Variants in CEP63 observed in about 807,000 individuals in gnomAD.
The protein encoded by CEP63 is centrosomal protein of 63 kDa.
CEP63 carries 84 observed loss-of-function variants against 89.1 expected under a neutral mutation model. The ratio of observed to expected loss-of-function variants is 0.94; its 90% CI spans 0.79 to 1.13. The LOEUF (loss-of-function observed/expected upper bound fraction) is 1.13, where lower values mean the gene tolerates loss of function less well. Among genes scored for constraint, CEP63 ranks in the 50% most tolerant of loss-of-function variants. The pLI, the probability that CEP63 is intolerant of heterozygous loss-of-function variation, is 0.00. For synonymous variants in CEP63, 267 were observed against 272.5 expected (o/e 0.98, Z 0.20); for missense variants, 838 against 813.3 (o/e 1.03, Z -0.37).
At chr3:134,745,467 T>A in the CEP63 span, among the ~76,000 whole-genome samples, 2 of 152,230 alleles carry the variant, frequency 1.3e-5, no homozygotes, top group Non-Finnish European at 2.9e-5. Flanking sequence ...ATGGGAAAGA[T>A]ACTTTTACTC....
chr3:134,629,630 A>G, the CEP63 span: 57 of 1,600,052 alleles, frequency 3.6e-5, no homozygotes, highest in Admixed American at 5.2e-5. Flanking sequence ...CGTTTAGCCA[A>G]GGAGAACTTC....
chr3:134,754,711 T>C, the CEP63 span, among the ~76,000 whole-genome samples: 1 of 152,126 alleles, frequency 6.6e-6, no homozygotes, highest in Non-Finnish European at 1.5e-5. Context: ...CAAAGTGAGA[T>C]TTCTTTTAAG....
the CEP63 span, among the ~76,000 whole-genome samples, chr3:134,740,593 C>G: frequency 2.0e-5 from 3 of 152,090 alleles, no homozygotes; most frequent in Non-Finnish European, 4.4e-5. Flanking sequence ...CACCGTGCCC[C>G]GCCTCTTTCT....
chr3:134,556,619 G>C (rs994584864), intron 12 of CEP63, among the ~76,000 whole-genome samples: 1 of 152,148 alleles, frequency 6.6e-6, no homozygotes, highest in Non-Finnish European at 1.5e-5. Context: ...CTTATCTTAT[G>C]CAGTGATTAT....
chr3:134,706,246 T>C, the CEP63 span, among the ~76,000 whole-genome samples: 1 of 152,174 alleles, frequency 6.6e-6, no homozygotes, highest in Non-Finnish European at 1.5e-5. Context: ...TTCTCAGGAA[T>C]TGAGGGTGTG....
chr3:134,569,678 G>A (rs186537814), downstream of CEP63, among the ~76,000 whole-genome samples: 264 of 152,218 alleles, frequency 1.7e-3, 3 homozygotes, highest in African/African-American at 5.7e-3. Flanking sequence ...GCAAGCTGTC[G>A]GTGGATCTAC....
intron 6 of CEP63, among the ~76,000 whole-genome samples, chr3:134,543,658 A>G (rs1486560044): frequency 6.6e-6 from 1 of 152,190 alleles, no homozygotes; most frequent in Admixed American, 6.5e-5. Context: ...GCAATTATGT[A>G]TTATCTGAGT....
the CEP63 span, among the ~76,000 whole-genome samples, chr3:134,755,063 A>G: frequency 6.4e-4 from 98 of 152,310 alleles, no homozygotes; most frequent in Non-Finnish European, 1.2e-3. Context: ...TAGCAGTGCT[A>G]AAGCCACAGG....
chr3:134,529,952 C>T (rs1949527798), intron 3 of CEP63, among the ~76,000 whole-genome samples: 2 of 146,104 alleles, frequency 1.4e-5, no homozygotes, highest in South Asian at 4.3e-4. Flanking sequence ...GGGCTCACTG[C>T]AAGCTCCGTC....
Position 134,545,670 on chromosome 3 carries a change from G to C in CEP63, c.640G>C (p.Glu214Gln). ...SEIQHLSSKL[E>Q]RANDTICANE... ...AATTCAACACTTAAGCAGTAAACTG[G>C]AGCGGGCTAATGACACTATCTGTGC... Residue 214 changes from glutamate (E) to glutamine (Q), a missense_variant, in exon 7 of 15, where the codon GAG (glutamate) becomes CAG (glutamine). By Grantham distance (29) the Glu-to-Gln change is conservative. Transcript: ENST00000675561. 6.2e-7 allele frequency: 1 copy of C among 1,614,140 alleles called. No homozygotes were observed. Among genetic ancestry groups the C allele is most frequent in the Non-Finnish European group, 8.5e-7 (1 of 1,180,008 alleles).
chr3:134,528,569 CGTGTGTGTGTGTGT>C (rs34415967), intron 3 of CEP63, among the ~76,000 whole-genome samples: 1 of 147,024 alleles, frequency 6.8e-6, no homozygotes, highest in Non-Finnish European at 1.5e-5. Context: ...TGTGTGTGTG[CGTGTGTGTGTGTGT>C]GTGTGTGTGT....
At chr3:134,637,630 A>G in the CEP63 span, among the ~76,000 whole-genome samples, 3 of 152,196 alleles carry the variant, frequency 2.0e-5, no homozygotes, top group Non-Finnish European at 4.4e-5. Context: ...CTCTTCCCCA[A>G]ACTTCTCATA....
chr3:134,776,186 G>A, the CEP63 span, among the ~76,000 whole-genome samples: 963 of 152,286 alleles, frequency 6.3e-3, 5 homozygotes, highest in Non-Finnish European at 0.01. Flanking sequence ...CCAGTCCCTG[G>A]CCCCAGAGAG....
At chr3:134,631,476 C>T in the CEP63 span, among the ~76,000 whole-genome samples, 1 of 152,114 alleles carries the variant, frequency 6.6e-6, no homozygotes, top group African/African-American at 2.4e-5. Flanking sequence ...ATATATTAGT[C>T]TGCCCTCCTC....
intron 1 of CEP63, among the ~76,000 whole-genome samples, chr3:134,488,349 C>CA (rs1487668645): frequency 6.6e-6 from 1 of 152,256 alleles, no homozygotes; most frequent in East Asian, 1.9e-4. Context: ...CGCGGTGACT[C>CA]ACGCCTGTAA....
the CEP63 span, among the ~76,000 whole-genome samples, chr3:134,741,991 T>C: frequency 6.6e-6 from 1 of 151,290 alleles, no homozygotes; most frequent in Non-Finnish European, 1.5e-5. Flanking sequence ...GAGACCAGTG[T>C]GTGTGTGTGT....
the CEP63 span, among the ~76,000 whole-genome samples, chr3:134,766,933 C>T: frequency 6.6e-6 from 1 of 152,192 alleles, no homozygotes; most frequent in Non-Finnish European, 1.5e-5. Flanking sequence ...TTGAGAGGTT[C>T]CTGTAGCTCC....
the CEP63 span, among the ~76,000 whole-genome samples, chr3:134,594,712 G>A: frequency 6.6e-6 from 1 of 152,260 alleles, no homozygotes; most frequent in South Asian, 2.1e-4. Flanking sequence ...AGCTGTTTTG[G>A]TCAACAGCCA....
intron 2 of CEP63, among the ~76,000 whole-genome samples, chr3:134,506,736 A>G (rs1038528316): frequency 1.2e-4 from 18 of 152,114 alleles, no homozygotes; most frequent in African/African-American, 3.9e-4. Context: ...CCTGGCCTAC[A>G]TGGCAAAACC....
Sources: gnomAD v4.1 joint callset for allele counts (sites outside exome capture counted in the v4.1 genomes callset) on GRCh38, gnomAD v4.1.1 for gene constraint, MANE v1.5 for transcripts, NCBI Gene and HGNC (gene_info 2026-07-23, HGNC 2026-07-21) for gene names.